Variants in SYNE2 observed in about 807,000 individuals in gnomAD.
SYNE2 encodes nesprin-2.
SYNE2 carries 431 observed loss-of-function variants against 856.3 expected under a neutral mutation model. The observed-to-expected ratio is 0.50, with a 90% CI of 0.47 to 0.55. The LOEUF is 0.55. SYNE2 is among the 20% of genes least tolerant of loss of function. The pLI is 0.00. For synonymous variants in SYNE2, 2,923 were observed against 2,872.3 expected (o/e 1.02, Z -0.56); for missense variants, 8,129 against 8,023.2 (o/e 1.01, Z -0.50).
In SYNE2 at chr14:64,087,702, A is replaced by G. The variant is rs1400098592; in HGVS notation, c.11516A>G (p.Asn3839Ser). ...TTGGAAGATTCAGAACAGAAGCACAATCTTTTACATTCAATCTTTATGGAT... is the reference window on the plus strand; with the variant it reads ...TTGGAAGATTCAGAACAGAAGCACAGTCTTTTACATTCAATCTTTATGGAT... The part of the protein sequence containing the change: ...MALEDSEQKH[N>S]LLHSIFMDLE... Residue 3839 changes from asparagine (N) to serine (S), a missense_variant, in exon 58 of 116, where the codon AAT becomes AGT. Around this residue, in one of 3 missense-constraint regions of SYNE2, gnomAD observed 5,410 missense variants for 5,284.8 expected, o/e 1.02. Coordinates refer to ENST00000555002, the MANE Select transcript of SYNE2 (RefSeq NM_182914.3). 5 of 1,614,056 alleles carry G rather than the reference A, an allele frequency of 3.1e-6. No individual in the cohort carries two copies. Among genetic ancestry groups the G allele is most frequent in the Non-Finnish European group, 4.2e-6 (5 of 1,180,022 alleles).
chr14:63,938,577 G>A (rs1258019721), intron 2 of SYNE2, among the ~76,000 whole-genome samples: 2 of 152,170 alleles, frequency 1.3e-5, no homozygotes, highest in African/African-American at 4.8e-5. Flanking sequence ...AAAGCTAGGG[G>A]ATTTCAGGGA....
intron 2 of SYNE2, among the ~76,000 whole-genome samples, chr14:63,921,204 A>C (rs1187626145): frequency 2.0e-5 from 3 of 151,968 alleles, no homozygotes; most frequent in African/African-American, 7.3e-5. Flanking sequence ...AAAGTGCAGG[A>C]GAACAACTTT....
chr14:63,981,218 G>A (rs780851791), intron 16 of SYNE2, 45 bp downstream of exon 16: 42 of 1,489,392 alleles, frequency 2.8e-5, no homozygotes, highest in Admixed American at 1.8e-4. Flanking sequence ...TTTTTTAATT[G>A]TTTTATTTTG....
intron 2 of SYNE2, among the ~76,000 whole-genome samples, chr14:63,933,909 A>G (rs2095797334): frequency 6.6e-6 from 1 of 152,172 alleles, no homozygotes; most frequent in Admixed American, 6.5e-5. Flanking sequence ...TTATCCTGCC[A>G]TAGGGTGAGC....
intron 88 of SYNE2, chr14:64,162,613 C>T: frequency 2.7e-6 from 1 of 366,760 alleles, no homozygotes; most frequent in South Asian, 2.4e-5. Context: ...AAGAATAATA[C>T]ATGTTGTATC....
intron 85 of SYNE2, 23 bp from the exon 86 acceptor site, chr14:64,158,602 G>A: frequency 1.9e-6 from 3 of 1,613,230 alleles, no homozygotes; most frequent in Non-Finnish European, 2.5e-6. Context: ...TTCTAAATCA[G>A]TACGTTTCCA....
intron 1 of SYNE2, among the ~76,000 whole-genome samples, chr14:63,791,788 CA>C (rs1464530165): frequency 1.3e-5 from 2 of 151,550 alleles, no homozygotes; most frequent in Non-Finnish European, 2.9e-5. Context: ...CTAAAAAATA[CA>C]AAAAAATTAG....
At position 64,186,451 on chromosome 14, in the gene SYNE2, A is replaced by T; in HGVS notation, c.17584A>T (p.Thr5862Ser). 2.5e-6 allele frequency: 4 copies of T among 1,614,170 alleles called. No homozygotes were observed. Among genetic ancestry groups the T allele is most frequent in the Non-Finnish European group, 3.4e-6 (4 of 1,180,030 alleles). The change falls in exon 97 of 116, where the codon ACT becomes TCT. Residue 5862 changes from threonine to serine, a missense_variant. Transcript: ENST00000555002. ...KELEQSLASW[T>S]QNLKELQTMK... Reference sequence around the variant, plus strand: ...ACTAGAACAGTCTTTGGCTAGCTGGACTCAGAACTTGAAAGAACTTCAAAC... The same window carrying T: ...ACTAGAACAGTCTTTGGCTAGCTGGTCTCAGAACTTGAAAGAACTTCAAAC...
chr14:63,948,792 A>ATG (rs1208508583), intron 6 of SYNE2, among the ~76,000 whole-genome samples: 3,216 of 95,286 alleles, frequency 0.034, 361 homozygotes, highest in South Asian at 0.068. Flanking sequence ...GTATATATAT[A>ATG]TATATATATA....
chr14:64,066,697 G>A (rs2097361089), intron 51 of SYNE2, among the ~76,000 whole-genome samples: 1 of 152,192 alleles, frequency 6.6e-6, no homozygotes, highest in African/African-American at 2.4e-5. Flanking sequence ...TGGGGCTGCT[G>A]GCACCAGTGC....
At chr14:63,933,334 T>C (rs2095789810) in intron 2 of SYNE2, among the ~76,000 whole-genome samples, 1 of 152,150 alleles carries the variant, frequency 6.6e-6, no homozygotes. Flanking sequence ...TGCTGAGACT[T>C]AGTAGCCATG....
intron 91 of SYNE2, 22 bp downstream of exon 91, chr14:64,167,409 C>T (rs774679472): frequency 7.4e-6 from 12 of 1,614,042 alleles, no homozygotes; most frequent in South Asian, 1.1e-5. Context: ...CCTTCTCTGT[C>T]GTTGTTTCAA....
Position 63,976,559 on chromosome 14 carries a change from T to TC in SYNE2, c.1129-3dup. 6.5e-7 allele frequency: 1 copy of TC among 1,538,948 alleles called. No individual in the cohort carries two copies. The highest frequency in any genetic ancestry group is 8.7e-7 in the Non-Finnish European group (1 of 1,146,344). On this transcript the variant is annotated splice_region_variant and splice_polypyrimidine_tract_variant and intron_variant, in intron 11 of 115. Coordinates refer to ENST00000555002, the MANE Select transcript of SYNE2 (RefSeq NM_182914.3). ...TATGTTCTTTTTTTTTTTTTTTTTT[T>TC]CAGATTAATGCATGGAAAATAAAGC...
intron 2 of SYNE2, among the ~76,000 whole-genome samples, chr14:63,913,084 T>G (rs2095492511): frequency 6.6e-6 from 1 of 151,998 alleles, no homozygotes; most frequent in South Asian, 2.1e-4. Flanking sequence ...CAGGTGCACA[T>G]CACTGCGCCT....
At chr14:63,923,368 C>G (rs186973037) in intron 2 of SYNE2, among the ~76,000 whole-genome samples, 49 of 152,350 alleles carry the variant, frequency 3.2e-4, no homozygotes, top group African/African-American at 1.2e-3. Context: ...GGTTGCTGGA[C>G]TCCACATGCT....
At chr14:64,134,524 AAT>A in intron 78 of SYNE2, among the ~76,000 whole-genome samples, 6 of 152,298 alleles carry the variant, frequency 3.9e-5, no homozygotes, top group Admixed American at 3.9e-4. Context: ...TCTGGAAGTG[AAT>A]GCCAGTGAGC....
rs748711423 is a variant in SYNE2 at position 64,110,592 on chromosome 14, C to A, written c.12610-2749C>A. On this transcript the variant is annotated intron_variant, in intron 65 of 115. Transcript: ENST00000555002. ...ACTTATAGTAATACTTTTTACACCC[C>A]CCCCCCCCCGCCAAAGTGTACAATT... Among the ~76,000 whole-genome samples, 635 of 125,092 alleles carry A rather than the reference C, an allele frequency of 5.1e-3. 15 individuals are homozygous for A. The highest frequency in any genetic ancestry group is 0.02 in the Middle Eastern group (5 of 250). The allele number at this position is 125,092 out of a possible 152,430, so 82.1% of individuals were successfully genotyped here. A position where few individuals can be genotyped will look rare whatever the true frequency, so the allele number is the denominator to read the frequency against.
At position 64,024,920 on chromosome 14, in the gene SYNE2, A is replaced by T. The variant is rs1360576800; in HGVS notation, c.5849A>T (p.Asp1950Val). ...GTGTAATGCTCTTTTAGACTCCAGG[A>T]TGACCATAGAAACCTGAGGAAGTGG... is the stretch of plus-strand genomic sequence containing the variant. Reference protein sequence around the residue: ...DSLQQLLRLQDDHRNLRKWLT... With the variant: ...DSLQQLLRLQVDHRNLRKWLT... Residue 1950 changes from aspartate to valine, a missense_variant, in exon 40 of 116, where the codon GAT becomes GTT. Physicochemically the swap from Asp to Val is radical, Grantham distance 152. This residue lies in a region of SYNE2 where 2,422 missense variants were observed against 2,357.4 expected (regional missense o/e 1.03). Transcript: ENST00000555002. 2 of 1,613,978 alleles carry T rather than the reference A, an allele frequency of 1.2e-6. No individual in the cohort carries two copies. Among genetic ancestry groups the T allele is most frequent in the Admixed American group, 1.7e-5 (1 of 60,020 alleles).
chr14:63,988,208 G>T (rs1271068259), intron 19 of SYNE2, among the ~76,000 whole-genome samples: 1 of 152,136 alleles, frequency 6.6e-6, no homozygotes, highest in East Asian at 1.9e-4. Context: ...CTCCCAAGTA[G>T]CTGGGATTAC....
Sources: gnomAD v4.1 joint callset for allele counts (sites outside exome capture counted in the v4.1 genomes callset) on GRCh38, gnomAD v4.1.1 for gene constraint, gnomAD v4.1.1 regional missense constraint, MANE v1.5 for transcripts, NCBI Gene and HGNC (gene_info 2026-07-23, HGNC 2026-07-21) for gene names.